Variants in CTNNA3 observed in about 807,000 individuals in gnomAD.
The protein encoded by CTNNA3 is catenin alpha-3.
In CTNNA3, 76 loss-of-function variants were observed where a neutral mutation model predicts 95.7. The observed-to-expected ratio is 0.79, with a 90% confidence interval of 0.66 to 0.96. CTNNA3 has a LOEUF of 0.96. Among genes scored for constraint, CTNNA3 ranks in the 40% least tolerant of loss-of-function variants. CTNNA3 has a pLI of 0.00. For synonymous variants in CTNNA3, 431 were observed against 374.4 expected (o/e 1.15, Z -1.74); for missense variants, 1,191 against 1,089.8 (o/e 1.09, Z -1.31).
chr10:67,457,305 C>T (rs1049675887), intron 5 of CTNNA3, among the ~76,000 whole-genome samples: 2 of 152,118 alleles, frequency 1.3e-5, no homozygotes, highest in Non-Finnish European at 1.5e-5. Flanking sequence ...GAATGGCCCA[C>T]TAAGACAGGC....
At chr10:66,360,949 C>A in intron 12 of CTNNA3, among the ~76,000 whole-genome samples, 1 of 146,202 alleles carries the variant, frequency 6.8e-6, no homozygotes, top group Non-Finnish European at 1.5e-5. Flanking sequence ...CTCTCTGTCT[C>A]TCTCTTTCTT....
intron 17 of CTNNA3, among the ~76,000 whole-genome samples, chr10:65,966,253 T>A (rs1281689705): frequency 6.6e-6 from 1 of 152,182 alleles, no homozygotes; most frequent in Non-Finnish European, 1.5e-5. Flanking sequence ...TTTTATTAAT[T>A]TGCAATTCCA....
intron 13 of CTNNA3, among the ~76,000 whole-genome samples, chr10:66,168,430 T>C (rs2085252278): frequency 6.6e-6 from 1 of 152,206 alleles, no homozygotes; most frequent in Non-Finnish European, 1.5e-5. Flanking sequence ...ATTTCACCTA[T>C]GGCTTACTGT....
chr10:65,989,012 C>T (rs2078485068), intron 15 of CTNNA3, among the ~76,000 whole-genome samples: 2 of 152,134 alleles, frequency 1.3e-5, no homozygotes, highest in Admixed American at 6.5e-5. Context: ...GCAGTCTCGG[C>T]TCACTGCAAC....
At chr10:66,638,475 G>T (rs1374051726) in intron 9 of CTNNA3, among the ~76,000 whole-genome samples, 2 of 152,058 alleles carry the variant, frequency 1.3e-5, no homozygotes, top group African/African-American at 4.8e-5. Context: ...ACTTCTGGGC[G>T]GGGGCAGGCA....
At chr10:67,595,895 T>G (rs561638738) in intron 3 of CTNNA3, among the ~76,000 whole-genome samples, 52 of 152,314 alleles carry the variant, frequency 3.4e-4, no homozygotes, top group African/African-American at 1.2e-3. Flanking sequence ...TTCTTTGTCT[T>G]TTGTCATCAT....
At chr10:67,538,157 T>TAAAAAAAAAAAAAAAAAAAAAAA (rs1176919938) in intron 4 of CTNNA3, among the ~76,000 whole-genome samples, 1 of 59,176 alleles carries the variant, frequency 1.7e-5, no homozygotes, top group African/African-American at 7.3e-5. Flanking sequence ...CTACTTAAAC[T>TAAAAAAAAAAAAAAAAAAAAAAA]AAAAAAAAAA....
intron 12 of CTNNA3, among the ~76,000 whole-genome samples, chr10:66,342,950 T>A (rs188531620): frequency 0.023 from 3,477 of 152,228 alleles, 95 homozygotes; most frequent in East Asian, 0.1. Context: ...TTGTTTTATT[T>A]AATTCTCAAC....
At chr10:67,596,719 C>T (rs1271297230) in intron 3 of CTNNA3, among the ~76,000 whole-genome samples, 1 of 152,164 alleles carries the variant, frequency 6.6e-6, no homozygotes, top group Non-Finnish European at 1.5e-5. Flanking sequence ...TTGGCATTTG[C>T]CTTGGAGAAT....
chr10:66,640,310 G>T (rs1412107026), intron 9 of CTNNA3, among the ~76,000 whole-genome samples: 1 of 152,084 alleles, frequency 6.6e-6, no homozygotes, highest in Admixed American at 6.6e-5. Flanking sequence ...ACTGTCCTAG[G>T]TTGTAGGAAA....
At chr10:67,720,914 A>C in intron 1 of CTNNA3, among the ~76,000 whole-genome samples, 1 of 152,082 alleles carries the variant, frequency 6.6e-6, no homozygotes, top group East Asian at 1.9e-4. Flanking sequence ...AGATCATGCC[A>C]CTGCAATCCA....
intron 11 of CTNNA3, among the ~76,000 whole-genome samples, chr10:66,397,440 C>T (rs922803048): frequency 6.6e-6 from 1 of 151,716 alleles, no homozygotes; most frequent in Non-Finnish European, 1.5e-5. Flanking sequence ...TCTCTTTGCC[C>T]ACCAAATGAT....
In CTNNA3 at chr10:67,713,807, G is replaced by A. The variant is rs140769017; in HGVS notation, c.-2+49627C>T. On this transcript the variant is annotated intron_variant, in intron 1 of 17. Coordinates refer to the CTNNA3 transcript ENST00000684154. ...TCGGGGGATGGGAGGAAAGGGGATGGAGAGCATTAAGACAAATACCTAACG... is the reference window on the plus strand; with the variant it reads ...TCGGGGGATGGGAGGAAAGGGGATGAAGAGCATTAAGACAAATACCTAACG... 6.0e-4 allele frequency among the ~76,000 whole-genome samples: 91 copies of A among 152,290 alleles called. 2 individuals are homozygous for A. The highest frequency in any genetic ancestry group is 2.1e-3 in the African/African-American group (87 of 41,542).
chr10:67,032,669 A>T (rs770305580), intron 7 of CTNNA3, among the ~76,000 whole-genome samples: 15 of 152,210 alleles, frequency 9.9e-5, no homozygotes, highest in Non-Finnish European at 1.9e-4. Flanking sequence ...ACATTATTCA[A>T]ATTGAATCTG....
intron 9 of CTNNA3, among the ~76,000 whole-genome samples, chr10:66,651,636 A>G (rs1196597922): frequency 8.0e-6 from 1 of 124,630 alleles, no homozygotes; most frequent in Admixed American, 8.0e-5. Flanking sequence ...GCCCTGAGAG[A>G]ATTCCAGCGC....
chr10:66,600,240 T>A (rs1190723853), intron 10 of CTNNA3, among the ~76,000 whole-genome samples: 1 of 151,858 alleles, frequency 6.6e-6, no homozygotes, highest in Non-Finnish European at 1.5e-5. Flanking sequence ...AAAAATTAGG[T>A]ATATTGCCCT....
chr10:66,935,378 T>C (rs1317288767), intron 7 of CTNNA3, among the ~76,000 whole-genome samples: 6 of 152,226 alleles, frequency 3.9e-5, no homozygotes, highest in African/African-American at 1.4e-4. Flanking sequence ...CCAAGAAGTT[T>C]AAAATTCAGC....
At chr10:67,111,059 A>C (rs564274400) in intron 7 of CTNNA3, among the ~76,000 whole-genome samples, 14 of 152,286 alleles carry the variant, frequency 9.2e-5, no homozygotes, top group African/African-American at 2.6e-4. Flanking sequence ...AATCAACCAC[A>C]GGGAGAATAA....
At chr10:66,269,279 A>C (rs2091226111) in intron 13 of CTNNA3, among the ~76,000 whole-genome samples, 1 of 152,192 alleles carries the variant, frequency 6.6e-6, no homozygotes, top group African/African-American at 2.4e-5. Flanking sequence ...AACCTAAAAT[A>C]AGTTTGTACT....
Sources: gnomAD v4.1 joint callset for allele counts (sites outside exome capture counted in the v4.1 genomes callset) on GRCh38, gnomAD v4.1.1 for gene constraint, MANE v1.5 for transcripts, NCBI Gene and HGNC (gene_info 2026-07-23, HGNC 2026-07-21) for gene names.